The following XKR6 variants were observed in gnomAD, a reference collection of about 807,000 sequenced individuals.
XKR6 encodes the protein XK related 6.
A neutral mutation model predicts 56.7 loss-of-function variants in XKR6; 22 were observed. The observed-to-expected ratio is 0.39, with a 90% CI of 0.28 to 0.55. The LOEUF is 0.55. XKR6 is among the 20% of genes least tolerant of loss of function. The pLI, the probability that XKR6 is intolerant of heterozygous loss-of-function variation, is 0.66. For missense variants in XKR6, 852 were observed against 889.0 expected (o/e 0.96, Z 0.53); for synonymous variants, 524 against 387.8 (o/e 1.35, Z -4.13).
chr8:11,111,133 C>A (rs550619200), intron 1 of XKR6, among the ~76,000 whole-genome samples: 3 of 151,310 alleles, frequency 2.0e-5, no homozygotes, highest in African/African-American at 7.3e-5. Flanking sequence ...GCATTACAGG[C>A]GTGAGCCACT....
intron 1 of XKR6, among the ~76,000 whole-genome samples, chr8:11,052,127 G>A (rs1799565382): frequency 6.6e-6 from 1 of 151,880 alleles, no homozygotes; most frequent in African/African-American, 2.4e-5. Flanking sequence ...CAACCAAACT[G>A]GCTTCCCTGC....
chr8:10,982,629 C>T (rs57370832), intron 1 of XKR6, among the ~76,000 whole-genome samples: 3,242 of 152,272 alleles, frequency 0.021, 102 homozygotes, highest in African/African-American at 0.073. Context: ...CGGGAGATAT[C>T]TTCCCGGAGT....
rs552328792 is a variant in XKR6 at position 11,045,274 on chromosome 8, G to C, written c.765-120444C>G. Among the ~76,000 whole-genome samples the C allele has an allele frequency of 4.0e-5, 6 of 151,644 alleles. No homozygotes were observed. In the South Asian group the frequency reaches 8.3e-4, roughly 21 times the overall value. On this transcript the variant is annotated intron_variant, in intron 1 of 2. Transcript: ENST00000416569. ...GCTAATTTTTGTATTTTTTGGTGGA[G>C]ACAGGGTTTCACCATGTTGACTAGG...
In XKR6 at chr8:11,200,958, C is replaced by A; in HGVS notation, c.382G>T (p.Asp128Tyr). 1.3e-6 allele frequency: 2 copies of A among 1,541,540 alleles called. No individual in the cohort carries two copies. The highest frequency in any genetic ancestry group is 1.7e-6 in the Non-Finnish European group (2 of 1,149,104). ...AGCGCCAGCACGATCCACAGGCAGT[C>A]GAGCCACGGCCGCTCCACCTGCGGC... ...PPPQVERPWL[D>Y]CLWIVLALLV... The change falls in exon 1 of 3, where the codon GAC becomes TAC. Residue 128 changes from aspartate (D) to tyrosine (Y), a missense_variant. Physicochemically the swap from Asp to Tyr is radical, Grantham distance 160. This residue lies in a region of XKR6 where 417 missense variants were observed against 355.2 expected (regional missense o/e 1.17). Coordinates refer to ENST00000416569, the MANE Select transcript of XKR6 (RefSeq NM_173683.4). This position sits in a 1 kb window ranked among gnomAD's most constrained non-coding sequence, Gnocchi z 6.4.
intron 1 of XKR6, among the ~76,000 whole-genome samples, chr8:10,960,573 T>C (rs1002887141): frequency 6.6e-6 from 1 of 152,230 alleles, no homozygotes; most frequent in South Asian, 2.1e-4. Context: ...CACTTCTGCA[T>C]AGTTATCTTA....
intron 1 of XKR6, among the ~76,000 whole-genome samples, chr8:11,082,351 G>A (rs142032365): frequency 2.0e-4 from 30 of 152,212 alleles, no homozygotes; most frequent in African/African-American, 6.3e-4. Context: ...GCAAGAGTTG[G>A]TCAATTTTGG....
At chr8:10,986,507 G>C (rs915965075) in intron 1 of XKR6, among the ~76,000 whole-genome samples, 5 of 152,106 alleles carry the variant, frequency 3.3e-5, no homozygotes, top group Admixed American at 1.3e-4. Context: ...AAAGTTTAAT[G>C]AGAATTTTTT....
intron 1 of XKR6, among the ~76,000 whole-genome samples, chr8:10,971,918 G>C (rs140192491): frequency 6.6e-6 from 1 of 152,078 alleles, no homozygotes; most frequent in Non-Finnish European, 1.5e-5. Flanking sequence ...ATTTTTCTTG[G>C]GGTCAAATTT....
chr8:10,931,910 C>CTACA (rs1185439919), intron 1 of XKR6, among the ~76,000 whole-genome samples: 1 of 151,798 alleles, frequency 6.6e-6, no homozygotes, highest in Non-Finnish European at 1.5e-5. Context: ...AAAAGACAAG[C>CTACA]TACAGATTGG....
chr8:10,998,652 G>C (rs76605112), intron 1 of XKR6, among the ~76,000 whole-genome samples: 10,519 of 152,200 alleles, frequency 0.069, 1,206 homozygotes, highest in African/African-American at 0.24. Context: ...TGAGCCCCAG[G>C]GGATTGGCTC....
chr8:11,183,932 A>C (rs1803128287), intron 1 of XKR6, among the ~76,000 whole-genome samples: 1 of 152,228 alleles, frequency 6.6e-6, no homozygotes, highest in South Asian at 2.1e-4. Flanking sequence ...ATACAATGCC[A>C]ACAAGTCAGG....
At chr8:11,156,287 C>T (rs1801515846) in intron 1 of XKR6, among the ~76,000 whole-genome samples, 2 of 152,140 alleles carry the variant, frequency 1.3e-5, no homozygotes. Context: ...GTTGATTTAA[C>T]TCTTCCTCAC....
intron 1 of XKR6, among the ~76,000 whole-genome samples, chr8:11,073,193 G>A (rs1245986193): frequency 2.6e-5 from 4 of 152,100 alleles, no homozygotes; most frequent in African/African-American, 7.2e-5. Context: ...CCCAAAATCC[G>A]AGTCCCTGTG....
intron 1 of XKR6, among the ~76,000 whole-genome samples, chr8:10,963,823 T>C (rs1258668010): frequency 2.0e-5 from 3 of 152,170 alleles, no homozygotes; most frequent in Non-Finnish European, 4.4e-5. Flanking sequence ...AGATTCCAGG[T>C]ACCCAGACAA....
chr8:11,096,017 T>C (rs1798253578), intron 1 of XKR6, among the ~76,000 whole-genome samples: 1 of 152,206 alleles, frequency 6.6e-6, no homozygotes, highest in Admixed American at 6.5e-5. Context: ...TTTGACTAGA[T>C]AAAAGTAAAC....
chr8:10,973,721 C>T (rs1470420475), intron 1 of XKR6, among the ~76,000 whole-genome samples: 3 of 152,214 alleles, frequency 2.0e-5, no homozygotes, highest in Non-Finnish European at 4.4e-5. Flanking sequence ...GCTGGGACTA[C>T]AGGCGCATGC....
At chr8:11,052,950 G>A (rs1034358271) in intron 1 of XKR6, among the ~76,000 whole-genome samples, 4 of 152,232 alleles carry the variant, frequency 2.6e-5, no homozygotes, top group African/African-American at 4.8e-5. Flanking sequence ...CCTGTGCTGC[G>A]TGTCTGGCAT....
At chr8:11,012,008 T>C (rs1798511298) in intron 1 of XKR6, among the ~76,000 whole-genome samples, 1 of 152,198 alleles carries the variant, frequency 6.6e-6, no homozygotes, top group Admixed American at 6.5e-5. Flanking sequence ...TGTCCACATG[T>C]CTGTGACAGG....
chr8:11,164,738 C>G (rs1801985325), intron 1 of XKR6, among the ~76,000 whole-genome samples: 1 of 152,252 alleles, frequency 6.6e-6, no homozygotes, highest in Non-Finnish European at 1.5e-5. Flanking sequence ...CCTAACTACA[C>G]TGTTCTTCTC....
Sources: allele counts gnomAD v4.1 joint callset (sites outside exome capture counted in the v4.1 genomes callset), GRCh38; gene constraint gnomAD v4.1.1; regional missense constraint gnomAD v4.1.1; non-coding constraint Gnocchi (gnomAD v3.1); transcripts MANE v1.5; gene names NCBI Gene and HGNC (gene_info 2026-07-23, HGNC 2026-07-21).